Variants in SLC22A14 observed in about 807,000 individuals in gnomAD.
SLC22A14 encodes solute carrier family 22 member 14.
In SLC22A14, 50 loss-of-function variants were observed where a neutral mutation model predicts 53.9. The observed-to-expected ratio is 0.93, with a 90% CI of 0.74 to 1.17. The LOEUF is 1.17. SLC22A14 is among the 50% of genes most tolerant of loss of function. The pLI, the probability that SLC22A14 is intolerant of heterozygous loss-of-function variation, is 0.00. For missense variants in SLC22A14, 671 were observed against 734.7 expected, an observed-to-expected ratio of 0.91 and a Z score of 1.00; for synonymous variants, 312 against 303.0, an observed-to-expected ratio of 1.03 and a Z score of -0.31.
At position 38,318,208 on chromosome 3, in the gene SLC22A14, A is replaced by G. The variant is rs1389788633; in HGVS notation, c.1744A>G (p.Lys582Glu). The change falls in exon 11 of 11, where the codon AAG becomes GAG. Residue 582 changes from lysine to glutamate, a missense_variant. Transcript: ENST00000448498. ...TGATGGCTCTTTCAGGAATAAGGTC[A>G]AGGACATGAAGACTAAGGAAACATC... ...NHSSQIRNKV[K>E]DMKTKETSSD... The G allele has an allele frequency of 5.6e-6, 9 of 1,613,990 alleles. No individual in the cohort carries two copies. Among genetic ancestry groups the G allele is most frequent in the Non-Finnish European group, 7.6e-6 (9 of 1,179,828 alleles).
intron 8 of SLC22A14, among the ~76,000 whole-genome samples, chr3:38,315,235 G>C (rs1451724871): frequency 6.6e-6 from 1 of 152,250 alleles, no homozygotes; most frequent in Non-Finnish European, 1.5e-5. Context: ...GATCCCCAGT[G>C]GGGTGAGGAA....
intron 8 of SLC22A14, 130 bp downstream of exon 8, chr3:38,314,071 C>T: frequency 1.4e-6 from 1 of 695,190 alleles, no homozygotes; most frequent in Non-Finnish European, 2.4e-6. Context: ...ATAGCCCACC[C>T]ACCCCACAGA....
intron 1 of SLC22A14, among the ~76,000 whole-genome samples, chr3:38,289,326 A>G (rs1703859586): frequency 6.6e-6 from 1 of 152,044 alleles, no homozygotes; most frequent in African/African-American, 2.4e-5. Flanking sequence ...TAATCTATAG[A>G]CCTAACTTGA....
At chr3:38,289,960 A>G (rs989960403) in intron 1 of SLC22A14, among the ~76,000 whole-genome samples, 1 of 152,174 alleles carries the variant, frequency 6.6e-6, no homozygotes, top group Non-Finnish European at 1.5e-5. Context: ...TATCCTGATC[A>G]TTGTCCCTCC....
At chr3:38,314,073 C>T in intron 8 of SLC22A14, 132 bp downstream of exon 8, 1 of 681,054 alleles carries the variant, frequency 1.5e-6, no homozygotes, top group South Asian at 1.8e-5. Flanking sequence ...AGCCCACCCA[C>T]CCCACAGAGG....
intron 2 of SLC22A14, 24 bp downstream of exon 2, chr3:38,306,566 G>A: frequency 1.3e-6 from 2 of 1,588,046 alleles, no homozygotes; most frequent in South Asian, 1.2e-5. Flanking sequence ...TGGGTTGTCT[G>A]TAACTACCCT....
chr3:38,312,985 G>A lies in SLC22A14; in HGVS notation c.945-14G>A, dbSNP rs761675377. Reference sequence around the variant, plus strand: ...TCATAGAACGGTGAGATAAGAGAGGGGCTGGCCACGCAGGATTCTCCCGGA... The same window carrying A: ...TCATAGAACGGTGAGATAAGAGAGGAGCTGGCCACGCAGGATTCTCCCGGA... On this transcript the variant is annotated splice_polypyrimidine_tract_variant and intron_variant, in intron 5 of 10. Transcript: ENST00000448498. 4 of 1,572,966 alleles carry A rather than the reference G, an allele frequency of 2.5e-6. No individual in the cohort carries two copies. The South Asian group carries it at 3.5e-5, about 14-fold the overall frequency.
intron 1 of SLC22A14, among the ~76,000 whole-genome samples, chr3:38,299,917 T>C (rs1704122648): frequency 6.6e-6 from 1 of 152,190 alleles, no homozygotes; most frequent in African/African-American, 2.4e-5. Context: ...CCTATGTATA[T>C]GGATATTTAG....
chr3:38,316,180 A>T, intron 9 of SLC22A14, 144 bp from the exon 10 acceptor site: 1 of 712,720 alleles, frequency 1.4e-6, no homozygotes, highest in East Asian at 2.6e-5. Context: ...GGAGGCCCAG[A>T]AGAAATTATT....
intron 5 of SLC22A14, among the ~76,000 whole-genome samples, chr3:38,309,998 C>T (rs1704424549): frequency 6.6e-6 from 1 of 152,146 alleles, no homozygotes; most frequent in East Asian, 1.9e-4. Flanking sequence ...GAAAGTGGGG[C>T]ACCTGGGATT....
In SLC22A14 at chr3:38,307,808, C is replaced by T. The variant is rs536419043; in HGVS notation, c.775+88C>T. On this transcript the variant is annotated intron_variant, in intron 4 of 10. Coordinates refer to ENST00000448498, the MANE Select transcript of SLC22A14 (RefSeq NM_001320033.2). This position sits in a 1 kb window ranked among gnomAD's most constrained non-coding sequence, Gnocchi z 4.4. Reference sequence around the variant, plus strand: ...GACAAGGGGACATAGTGGCAGGGGGCGTGGCGGCATAGGCAGATGGCAAGG... The same window carrying T: ...GACAAGGGGACATAGTGGCAGGGGGTGTGGCGGCATAGGCAGATGGCAAGG... 94 of 1,458,758 alleles carry T rather than the reference C, an allele frequency of 6.4e-5. No homozygotes were observed. Among genetic ancestry groups the T allele is most frequent in the South Asian group, 2.7e-4 (22 of 81,690 alleles). 90.4% of individuals were successfully genotyped at this position (1,458,758 alleles called of 1,614,324 possible).
At chr3:38,286,801 A>G (rs1703803799) in intron 1 of SLC22A14, among the ~76,000 whole-genome samples, 1 of 151,516 alleles carries the variant, frequency 6.6e-6, no homozygotes, top group South Asian at 2.1e-4. Flanking sequence ...GCCAGATCTC[A>G]GCTCACTGCA....
rs542959928 is a variant in SLC22A14 at position 38,307,675 on chromosome 3, A to T, written c.730A>T (p.Ile244Phe). The T allele has an allele frequency of 5.6e-6, 9 of 1,614,174 alleles. No homozygotes were observed. The African/African-American group carries it at 6.7e-5, about 12-fold the overall frequency. The change falls in exon 4 of 11, where the codon ATC becomes TTC. Residue 244 changes from isoleucine to phenylalanine, a missense_variant. Physicochemically the swap from Ile to Phe is conservative, Grantham distance 21. Coordinates refer to ENST00000448498, the MANE Select transcript of SLC22A14 (RefSeq NM_001320033.2). The surrounding 1 kb of genome is among the most constrained non-coding windows in gnomAD (Gnocchi z 4.4). ...CCTGTATTTGTTCTTTCGCTTTGGC[A>T]TCTCGCAGTCAGTGGTGGGCTACGC... ...FHLYLFFRFGISQSVVGYAIS... is the reference protein window; with the variant it reads ...FHLYLFFRFGFSQSVVGYAIS...
chr3:38,317,563 G>A (rs189990404), intron 10 of SLC22A14, among the ~76,000 whole-genome samples: 69 of 152,278 alleles, frequency 4.5e-4, no homozygotes, highest in African/African-American at 1.4e-3. Context: ...GTTCAGCGCC[G>A]CACGGGAAGA....
chr3:38,313,780 G>T lies in SLC22A14; in HGVS notation c.1217G>T (p.Gly406Val), dbSNP rs1388605980. Reference protein sequence around the residue: ...FTLSLRMRELGVSVHFRHVVP... With the variant: ...FTLSLRMRELVVSVHFRHVVP... ...TTGAGCCTGAGAATGAGAGAGCTGG[G>T]CGTGAGCGTCCACTTCAGACACGTG... The change falls in exon 8 of 11, where the codon GGC (glycine) becomes GTC (valine). Residue 406 changes from glycine (G) to valine (V), a missense_variant. Gly to Val is a moderately radical substitution (Grantham distance 109, BLOSUM62 -3). Transcript: ENST00000448498. The T allele has an allele frequency of 6.2e-7, 1 of 1,607,334 alleles. No homozygotes were observed. The highest frequency in any genetic ancestry group is 1.1e-5 in the South Asian group (1 of 90,938).
intron 1 of SLC22A14, among the ~76,000 whole-genome samples, chr3:38,289,781 G>GCGACAAACAGCAGTGGTGGA (rs1703872416): frequency 6.6e-6 from 1 of 152,230 alleles, no homozygotes; most frequent in African/African-American, 2.4e-5. Context: ...GTCTGCAACA[G>GCGACAAACAGCAGTGGTGGA]CGACAAACAG....
At chr3:38,281,667 A>C (rs1267548980), upstream of SLC22A14, among the ~76,000 whole-genome samples, 1 of 152,256 alleles carries the variant, frequency 6.6e-6, no homozygotes, top group African/African-American at 2.4e-5. Context: ...AGGCCCCATC[A>C]CGCTACCACA....
Position 38,307,679 on chromosome 3 carries a change from C to T in SLC22A14, c.734C>T (p.Ser245Leu), listed in dbSNP as rs1078846. Residue 245 changes from serine (S) to leucine (L), a missense_variant, in exon 4 of 11, where the codon TCG becomes TTG. Physicochemically the swap from Ser to Leu is moderately radical, Grantham distance 145. Transcript: ENST00000448498. This position sits in a 1 kb window ranked among gnomAD's most constrained non-coding sequence, Gnocchi z 4.4. ...HLYLFFRFGI[S>L]QSVVGYAISS... is the part of the protein sequence containing the mutation. ...TATTTGTTCTTTCGCTTTGGCATCT[C>T]GCAGTCAGTGGTGGGCTACGCCATC... 32 of 1,614,094 alleles carry T rather than the reference C, an allele frequency of 2.0e-5. No homozygotes were observed. The highest frequency in any genetic ancestry group is 1.6e-4 in the Middle Eastern group (1 of 6,082).
intron 7 of SLC22A14, 35 bp downstream of exon 7, chr3:38,313,520 A>G: frequency 7.0e-7 from 1 of 1,438,676 alleles, no homozygotes; most frequent in South Asian, 1.1e-5. Flanking sequence ...GGGACTGCGA[A>G]CAGGTGCGCA....
Sources: allele counts gnomAD v4.1 joint callset (sites outside exome capture counted in the v4.1 genomes callset), GRCh38; gene constraint gnomAD v4.1.1; non-coding constraint Gnocchi (gnomAD v3.1); transcripts MANE v1.5; gene names NCBI Gene and HGNC (gene_info 2026-07-23, HGNC 2026-07-21).